Variants in PTPRN2 observed in about 807,000 individuals in gnomAD.
The protein encoded by PTPRN2 is protein tyrosine phosphatase receptor type N2.
Under a neutral mutation model 118.8 loss-of-function variants are expected in PTPRN2, and 74 were observed. That is an observed-to-expected ratio of 0.62 (90% CI 0.52 to 0.76). The LOEUF is 0.76. PTPRN2 is among the 30% of genes least tolerant of loss of function. The pLI is 0.00. For synonymous variants in PTPRN2, 641 were observed against 608.0 expected (o/e 1.05, Z -0.80); for missense variants, 1,481 against 1,394.4 (o/e 1.06, Z -0.99).
At chr7:158,280,251 C>G (rs1430089543) in intron 3 of PTPRN2, among the ~76,000 whole-genome samples, 5 of 152,236 alleles carry the variant, frequency 3.3e-5, no homozygotes, top group Admixed American at 3.3e-4. Context: ...GAAAGCAGGT[C>G]CTCTCCGGCC....
chr7:158,497,596 C>T (rs1822045610), intron 1 of PTPRN2, among the ~76,000 whole-genome samples: 1 of 152,184 alleles, frequency 6.6e-6, no homozygotes, highest in African/African-American at 2.4e-5. Flanking sequence ...AGCCTCAATG[C>T]CTCAGAGAGC....
chr7:158,194,911 C>A (rs1260088700), intron 4 of PTPRN2, among the ~76,000 whole-genome samples: 1 of 152,032 alleles, frequency 6.6e-6, no homozygotes. Context: ...AGCTCTGATG[C>A]GGTGTTGACA....
chr7:158,309,353 C>T lies in PTPRN2; in HGVS notation c.277+7466G>A, dbSNP rs140016589. On this transcript the variant is annotated intron_variant, in intron 3 of 22. Coordinates refer to ENST00000389418, the MANE Select transcript of PTPRN2 (RefSeq NM_002847.5). The stretch of plus-strand genomic sequence containing the variant: ...AAGTAGTTTAGTCTTCCAGCCTACA[C>T]GCTACTCCCCTGCGGGATGCTTCCT... 1.6e-3 allele frequency among the ~76,000 whole-genome samples: 87 copies of T among 53,336 alleles called. 1 individual carries two copies. Among genetic ancestry groups the T allele is most frequent in the African/African-American group, 4.7e-3 (73 of 15,682 alleles). 35.0% of individuals were successfully genotyped at this position (53,336 alleles called of 152,430 possible). A position where few individuals can be genotyped will look rare whatever the true frequency, so the allele number is the denominator to read the frequency against.
At chr7:158,041,714 T>C (rs1339428678) in intron 11 of PTPRN2, among the ~76,000 whole-genome samples, 2 of 152,166 alleles carry the variant, frequency 1.3e-5, no homozygotes, top group Non-Finnish European at 2.9e-5. Context: ...AAATAGTCAA[T>C]ATTTAGTCTC....
chr7:158,448,506 G>A (rs186156140), intron 2 of PTPRN2, among the ~76,000 whole-genome samples: 3,140 of 152,070 alleles, frequency 0.021, 120 homozygotes, highest in African/African-American at 0.072. Flanking sequence ...GGGGTGGGGA[G>A]GGGGTCCCCT....
At position 157,764,927 on chromosome 7, in the gene PTPRN2, C is replaced by T. The variant is rs1802357170; in HGVS notation, c.1789-81990G>A. Among the ~76,000 whole-genome samples the T allele has an allele frequency of 1.3e-5, 2 of 150,600 alleles. No individual in the cohort carries two copies. Among genetic ancestry groups the T allele is most frequent in the Admixed American group, 1.3e-4 (2 of 15,124 alleles). The stretch of plus-strand genomic sequence containing the variant: ...CCCATCCATCCATCCATTGATCCAT[C>T]CATATCCATCCATCCATATCCATCC... On this transcript the variant is annotated intron_variant, in intron 12 of 22. Transcript: ENST00000389418. This position sits in a 1 kb window ranked among gnomAD's most constrained non-coding sequence, Gnocchi z 4.5.
intron 2 of PTPRN2, among the ~76,000 whole-genome samples, chr7:158,370,972 A>G (rs1410213772): frequency 6.6e-6 from 1 of 152,230 alleles, no homozygotes; most frequent in Non-Finnish European, 1.5e-5. Flanking sequence ...AACTATCACA[A>G]TGAAAGAGTT....
chr7:157,759,401 G>A (rs562706425), intron 12 of PTPRN2, among the ~76,000 whole-genome samples: 96 of 152,366 alleles, frequency 6.3e-4, no homozygotes, highest in African/African-American at 1.7e-3. Flanking sequence ...CGGGAACTCC[G>A]GCAGGTGGGA....
At chr7:158,131,818 G>T (rs115462913) in intron 9 of PTPRN2, among the ~76,000 whole-genome samples, 1 of 120,642 alleles carries the variant, frequency 8.3e-6, no homozygotes, top group East Asian at 2.6e-4. Context: ...ACACAAATAC[G>T]CAAATACACA....
At chr7:157,707,251 AAC>A (rs1798379944) in intron 12 of PTPRN2, among the ~76,000 whole-genome samples, 1 of 151,662 alleles carries the variant, frequency 6.6e-6, no homozygotes, top group African/African-American at 2.4e-5. Context: ...CATACACAGA[AAC>A]ACACACACCA....
At chr7:157,970,561 C>T (rs114473105) in intron 11 of PTPRN2, among the ~76,000 whole-genome samples, 4,230 of 152,042 alleles carry the variant, frequency 0.028, 209 homozygotes, top group African/African-American at 0.097. Context: ...GATGCAGCTG[C>T]GCAGATGGCA....
At position 157,590,618 on chromosome 7, in the gene PTPRN2, C is replaced by T. The variant is rs1347520256; in HGVS notation, c.2496+4620G>A. ...ACGTTCTGGGCTCTGCTCAGGGACG[C>T]AGCACGGACAGAGGTGCTGTGGGCC... On this transcript the variant is annotated intron_variant, in intron 17 of 22. Coordinates refer to ENST00000389418, the MANE Select transcript of PTPRN2 (RefSeq NM_002847.5). This position sits in a 1 kb window ranked among gnomAD's most constrained non-coding sequence, Gnocchi z 4.0. Among the ~76,000 whole-genome samples the T allele has an allele frequency of 1.3e-5, 2 of 152,208 alleles. No individual in the cohort carries two copies. The highest frequency in any genetic ancestry group is 4.8e-5 in the African/African-American group (2 of 41,462).
At chr7:158,562,669 G>T (rs1307317616) in intron 1 of PTPRN2, among the ~76,000 whole-genome samples, 1 of 152,180 alleles carries the variant, frequency 6.6e-6, no homozygotes, top group Non-Finnish European at 1.5e-5. Context: ...GGCTGATTGT[G>T]CATGAAGCCC....
At position 158,220,384 on chromosome 7, in the gene PTPRN2, C is replaced by G. The variant is rs1331323489; in HGVS notation, c.278-15111G>C. ...AGGAAAAGAGGAAGTCAAATTATCT[C>G]TCTTCATAGATGATATACTATACAT... is the stretch of plus-strand genomic sequence containing the variant. On this transcript the variant is annotated intron_variant, in intron 3 of 22. Transcript: ENST00000389418. 3.3e-5 allele frequency among the ~76,000 whole-genome samples: 5 copies of G among 152,174 alleles called. No individual in the cohort carries two copies. The East Asian group carries it at 9.7e-4, about 29-fold the overall frequency.
chr7:157,696,896 C>T (rs1797816060), intron 12 of PTPRN2, among the ~76,000 whole-genome samples: 1 of 114,926 alleles, frequency 8.7e-6, no homozygotes, highest in African/African-American at 3.4e-5. Context: ...TCACCGTCTA[C>T]CCATGCATAC....
At chr7:158,340,383 T>A (rs79832501) in intron 2 of PTPRN2, among the ~76,000 whole-genome samples, 11 of 83,186 alleles carry the variant, frequency 1.3e-4, no homozygotes, top group East Asian at 3.7e-4. Context: ...ACACCCATAC[T>A]CTCACCATAA....
chr7:158,172,772 A>T (rs1163260237), intron 5 of PTPRN2, among the ~76,000 whole-genome samples: 3 of 138,196 alleles, frequency 2.2e-5, no homozygotes, highest in African/African-American at 8.5e-5. Context: ...TTCACCATTC[A>T]CAGCAGCATC....
intron 17 of PTPRN2, among the ~76,000 whole-genome samples, chr7:157,588,813 C>T (rs1053375322): frequency 1.3e-5 from 2 of 152,132 alleles, no homozygotes; most frequent in African/African-American, 4.8e-5. Flanking sequence ...AAGAGACACC[C>T]TGGCACTACA....
chr7:158,034,929 G>C (rs1807990492), intron 11 of PTPRN2, among the ~76,000 whole-genome samples: 1 of 152,256 alleles, frequency 6.6e-6, no homozygotes, highest in Non-Finnish European at 1.5e-5. Flanking sequence ...ACAGGAGCCT[G>C]CCTGTCAGCC....
Sources: gnomAD v4.1 joint callset for allele counts (sites outside exome capture counted in the v4.1 genomes callset) on GRCh38, gnomAD v4.1.1 for gene constraint, Gnocchi (gnomAD v3.1) non-coding constraint, MANE v1.5 for transcripts, NCBI Gene and HGNC (gene_info 2026-07-23, HGNC 2026-07-21) for gene names.